DEUP1: variants seen among roughly 807,000 people sequenced by gnomAD.
DEUP1 encodes the protein coiled-coil domain containing 67.
In DEUP1, 82 loss-of-function variants were observed where a neutral mutation model predicts 87.4. That is an observed-to-expected ratio of 0.94 (90% CI 0.78 to 1.13). The LOEUF is 1.13. Ranked by LOEUF, DEUP1 falls within the 50% of genes most tolerant of loss-of-function variation. The pLI is 0.00. For missense variants in DEUP1, 663 were observed against 681.5 expected, an observed-to-expected ratio of 0.97 and a Z score of 0.30; for synonymous variants, 214 against 222.7, an observed-to-expected ratio of 0.96 and a Z score of 0.35.
In DEUP1 at chr11:93,370,995, A is replaced by G. The variant is rs371117358; in HGVS notation, c.547-43A>G. 1.3e-4 allele frequency: 208 copies of G among 1,543,790 alleles called. No homozygotes were observed. In the African/African-American group the frequency reaches 2.7e-3, roughly 20 times the overall value. Reference sequence around the variant, plus strand: ...TCTTGAACTTCATGTAAGCTTAAATATGACATTCTTCATTTGAGTTACACA... The same window carrying G: ...TCTTGAACTTCATGTAAGCTTAAATGTGACATTCTTCATTTGAGTTACACA... On this transcript the variant is annotated intron_variant, in intron 6 of 13. Transcript: ENST00000298050.
At chr11:93,378,835 A>G (rs1401428240) in intron 7 of DEUP1, among the ~76,000 whole-genome samples, 2 of 152,032 alleles carry the variant, frequency 1.3e-5, no homozygotes, top group African/African-American at 2.4e-5. Flanking sequence ...GCATGTTCCT[A>G]CAGTAGTTCT....
In DEUP1 at chr11:93,396,380, C is replaced by A. The variant is rs186864315; in HGVS notation, c.1326+55C>A. ...AACAAAGAGATTACTGAATTGGTCACGATTAACCTAGACATCATTTATTGA... is the reference window on the plus strand; with the variant it reads ...AACAAAGAGATTACTGAATTGGTCAAGATTAACCTAGACATCATTTATTGA... On this transcript the variant is annotated intron_variant, in intron 11 of 13. Transcript: ENST00000298050. 1.2e-5 allele frequency: 13 copies of A among 1,085,228 alleles called. No individual in the cohort carries two copies. In the East Asian group the frequency reaches 2.9e-4, roughly 24 times the overall value. The allele number at this position is 1,085,228 out of a possible 1,614,324, so 67.2% of individuals were successfully genotyped here.
intron 9 of DEUP1, among the ~76,000 whole-genome samples, chr11:93,390,959 G>A (rs941507524): frequency 7.9e-5 from 12 of 151,924 alleles, no homozygotes; most frequent in African/African-American, 2.9e-4. Flanking sequence ...GCAGGCGCCT[G>A]TAATCCCAGC....
At chr11:93,408,141 G>C (rs1186600482) in intron 11 of DEUP1, 90 bp from the exon 12 acceptor site, 1 of 922,028 alleles carries the variant, frequency 1.1e-6, no homozygotes, top group Non-Finnish European at 1.6e-6. Context: ...AAATGAAAGG[G>C]CCTTTCCAGC....
chr11:93,399,692 T>C (rs1947058278), intron 11 of DEUP1, among the ~76,000 whole-genome samples: 1 of 151,854 alleles, frequency 6.6e-6, no homozygotes. Flanking sequence ...ATAGAAAAAA[T>C]ACAAATTATC....
intron 11 of DEUP1, among the ~76,000 whole-genome samples, chr11:93,399,182 T>A (rs1032051859): frequency 6.6e-6 from 1 of 151,852 alleles, no homozygotes; most frequent in Non-Finnish European, 1.5e-5. Context: ...GTTACATATA[T>A]ATATATATTT....
intron 11 of DEUP1, among the ~76,000 whole-genome samples, chr11:93,405,924 A>C (rs1947261469): frequency 6.6e-6 from 1 of 151,958 alleles, no homozygotes; most frequent in Non-Finnish European, 1.5e-5. Flanking sequence ...GTATGCTAAA[A>C]TATTACCGTT....
chr11:93,340,884 G>C (rs780572214), intron 2 of DEUP1, among the ~76,000 whole-genome samples: 6 of 152,154 alleles, frequency 3.9e-5, no homozygotes, highest in Non-Finnish European at 5.9e-5. Flanking sequence ...AAGTGAAGAC[G>C]TTTGTCGTAT....
intron 11 of DEUP1, among the ~76,000 whole-genome samples, chr11:93,396,727 T>C (rs11020303): frequency 0.25 from 38,418 of 152,078 alleles, 5,208 homozygotes; most frequent in Middle Eastern, 0.38. Context: ...CTGACTTGTT[T>C]TGTTGCTTGT....
chr11:93,408,835 G>C (rs1163532953), intron 12 of DEUP1, among the ~76,000 whole-genome samples: 1 of 151,838 alleles, frequency 6.6e-6, no homozygotes, highest in Non-Finnish European at 1.5e-5. Flanking sequence ...TTCTTTTTTT[G>C]TTGTTTTTGT....
intron 2 of DEUP1, among the ~76,000 whole-genome samples, chr11:93,332,668 A>G (rs1433842489): frequency 6.6e-6 from 1 of 152,200 alleles, no homozygotes; most frequent in African/African-American, 2.4e-5. Context: ...TTAAGGCTGA[A>G]CTCAACACTT....
intron 7 of DEUP1, among the ~76,000 whole-genome samples, chr11:93,371,540 C>T (rs1046440795): frequency 1.1e-4 from 17 of 152,226 alleles, no homozygotes; most frequent in Admixed American, 2.6e-4. Context: ...TGGTCACTTA[C>T]GGACCTCTAT....
chr11:93,344,235 C>T (rs556325252), intron 2 of DEUP1, among the ~76,000 whole-genome samples: 25 of 152,020 alleles, frequency 1.6e-4, no homozygotes, highest in African/African-American at 6.0e-4. Flanking sequence ...CCCCATTTGA[C>T]CTTGTGTATG....
At chr11:93,340,063 C>G (rs2134159964) in intron 2 of DEUP1, among the ~76,000 whole-genome samples, 1 of 152,286 alleles carries the variant, frequency 6.6e-6, no homozygotes, top group African/African-American at 2.4e-5. Flanking sequence ...AGAGCTGATA[C>G]TATGGCTCTG....
intron 11 of DEUP1, among the ~76,000 whole-genome samples, chr11:93,400,665 G>A (rs888362481): frequency 1.3e-5 from 2 of 151,986 alleles, no homozygotes; most frequent in Admixed American, 1.3e-4. Context: ...CATATTTTAG[G>A]AATTTTGATA....
rs765730078 is a variant in DEUP1 at position 93,355,356 on chromosome 11, T to C, written c.30-15T>C. 12 of 1,611,270 alleles carry C rather than the reference T, an allele frequency of 7.4e-6. No individual in the cohort carries two copies. In the South Asian group the frequency reaches 8.8e-5, roughly 12 times the overall value. On this transcript the variant is annotated splice_polypyrimidine_tract_variant and intron_variant, in intron 2 of 13. Transcript: ENST00000298050. ...CACTACTTTAAAATGTATTTTACTT[T>C]CCTACAATTGCCAGAACTTCTCCTT...
Position 93,408,328 on chromosome 11 carries a change from A to C in DEUP1, c.1424A>C (p.His475Pro), listed in dbSNP as rs1174426220. The stretch of plus-strand genomic sequence containing the variant: ...CTCCGAAATGATCTTGCAAAACTTC[A>C]TGTCAATGGAAAATCAACCTGGACT... The part of the protein sequence containing the change: ...ERLRNDLAKL[H>P]VNGKSTWTNQ... Residue 475 changes from histidine to proline, a missense_variant, in exon 12 of 14, where the codon CAT (histidine) becomes CCT (proline). By Grantham distance (77) the His-to-Pro change is moderately conservative. Coordinates refer to ENST00000298050, the MANE Select transcript of DEUP1 (RefSeq NM_181645.4). 1 of 1,578,370 alleles carries C rather than the reference A, an allele frequency of 6.3e-7. No homozygotes were observed. Among genetic ancestry groups the C allele is most frequent in the South Asian group, 1.2e-5 (1 of 85,936 alleles).
At chr11:93,392,998 C>A (rs1591213670) in intron 9 of DEUP1, among the ~76,000 whole-genome samples, 1 of 147,064 alleles carries the variant, frequency 6.8e-6, no homozygotes, top group South Asian at 2.3e-4. Context: ...CCTCCTCCTC[C>A]TTCTTTCTCC....
intron 12 of DEUP1, among the ~76,000 whole-genome samples, chr11:93,409,450 T>C (rs1947373050): frequency 1.3e-5 from 2 of 152,208 alleles, no homozygotes. Flanking sequence ...CTGAACAAAA[T>C]AAGCAAGTTT....
Sources: allele counts gnomAD v4.1 joint callset (sites outside exome capture counted in the v4.1 genomes callset), GRCh38; gene constraint gnomAD v4.1.1; transcripts MANE v1.5; gene names NCBI Gene and HGNC (gene_info 2026-07-23, HGNC 2026-07-21).